The following KLHL29 variants were observed in gnomAD, a reference collection of about 807,000 sequenced individuals.
KLHL29 encodes the protein kelch-like protein 29.
KLHL29 carries 21 observed loss-of-function variants against 80.4 expected under a neutral mutation model. The observed-to-expected ratio is 0.26, with a 90% CI of 0.19 to 0.38. The LOEUF (loss-of-function observed/expected upper bound fraction) is 0.38, where lower values mean the gene tolerates loss of function less well. Ranked by LOEUF, KLHL29 falls within the 10% of genes least tolerant of loss-of-function variation. KLHL29 has a pLI of 1.00. For missense variants in KLHL29, 867 were observed against 1,223.9 expected (o/e 0.71, Z 4.35); for synonymous variants, 511 against 526.8 (o/e 0.97, Z 0.41).
intron 3 of KLHL29, among the ~76,000 whole-genome samples, chr2:23,580,929 G>T (rs1211979666): frequency 6.6e-6 from 1 of 152,044 alleles, no homozygotes; most frequent in Admixed American, 6.6e-5. Context: ...AGTGAGCCGA[G>T]ATCACGCCAC....
At chr2:23,387,905 T>G (rs1202719264) in intron 1 of KLHL29, among the ~76,000 whole-genome samples, 1 of 152,230 alleles carries the variant, frequency 6.6e-6, no homozygotes, top group Non-Finnish European at 1.5e-5. Flanking sequence ...TAATAACTTT[T>G]CTGCACAAAC....
intron 2 of KLHL29, among the ~76,000 whole-genome samples, chr2:23,542,912 ACTGT>A (rs1179860416): frequency 3.9e-5 from 6 of 152,202 alleles, no homozygotes; most frequent in African/African-American, 9.6e-5. Context: ...GTCACTCCCA[ACTGT>A]CTGAGCTTCT....
chr2:23,458,979 A>G (rs1260918039), intron 1 of KLHL29, among the ~76,000 whole-genome samples: 3 of 152,236 alleles, frequency 2.0e-5, no homozygotes, highest in Non-Finnish European at 4.4e-5. Flanking sequence ...GCAAGGATTC[A>G]GGAGAACCAA....
intron 2 of KLHL29, among the ~76,000 whole-genome samples, chr2:23,522,253 C>A (rs1031795747): frequency 2.0e-5 from 3 of 152,022 alleles, no homozygotes; most frequent in Admixed American, 2.0e-4. Flanking sequence ...CAGGTTCAAG[C>A]AATTCTCCCA....
intron 5 of KLHL29, among the ~76,000 whole-genome samples, chr2:23,679,803 G>A (rs1184900646): frequency 2.0e-5 from 3 of 152,340 alleles, no homozygotes; most frequent in African/African-American, 4.8e-5. Context: ...AGGAAGAGGG[G>A]AAGGAGGCAA....
chr2:23,673,622 TCA>T (rs370868909), intron 5 of KLHL29, among the ~76,000 whole-genome samples: 38 of 145,286 alleles, frequency 2.6e-4, no homozygotes, highest in African/African-American at 9.0e-4. Context: ...CCACCTCCTC[TCA>T]CACACACACA....
chr2:23,554,234 T>TTAGTA (rs1038683003), intron 2 of KLHL29, among the ~76,000 whole-genome samples: 1 of 152,238 alleles, frequency 6.6e-6, no homozygotes, highest in African/African-American at 2.4e-5. Flanking sequence ...TGGCTGCTGT[T>TTAGTA]TAGTATTTTG....
Position 23,693,421 on chromosome 2 carries a change from G to A in KLHL29, c.1435G>A (p.Asp479Asn), listed in dbSNP as rs1671747942. Residue 479 changes from aspartate (D) to asparagine (N), a missense_variant, in exon 8 of 14, where the codon GAC becomes AAC. Physicochemically the swap from Asp to Asn is conservative, Grantham distance 23 (BLOSUM62 1). Around this residue, in one of 2 missense-constraint regions of KLHL29, gnomAD observed 443 missense variants for 767.0 expected, o/e 0.58. Coordinates refer to ENST00000486442, the MANE Select transcript of KLHL29 (RefSeq NM_052920.2). ...QEEILSISKDDFIAYVSNDSL... is the reference protein window; with the variant it reads ...QEEILSISKDNFIAYVSNDSL... ...GGAGATCCTCAGCATCTCCAAGGAC[G>A]ACTTCATCGCCTACGTCTCCAACGA... The A allele has an allele frequency of 1.2e-5, 18 of 1,551,714 alleles. No homozygotes were observed. Among genetic ancestry groups the A allele is most frequent in the African/African-American group, 2.7e-5 (2 of 73,174 alleles).
chr2:23,617,103 TC>T (rs1365801620), intron 3 of KLHL29: 1 of 152,242 alleles, frequency 6.6e-6, no homozygotes, highest in Non-Finnish European at 1.5e-5. Flanking sequence ...TTTCCATTTT[TC>T]TGTCTTTTGT....
At chr2:23,660,962 T>C (rs962979696) in intron 5 of KLHL29, among the ~76,000 whole-genome samples, 7 of 151,440 alleles carry the variant, frequency 4.6e-5, no homozygotes, top group African/African-American at 1.7e-4. Flanking sequence ...ACCCGGGAGG[T>C]AGAGGTTGCA....
At chr2:23,421,752 A>C (rs11125023) in intron 1 of KLHL29, among the ~76,000 whole-genome samples, 1 of 141,188 alleles carries the variant, frequency 7.1e-6, no homozygotes, top group African/African-American at 2.6e-5. Context: ...GTGTGTGTTC[A>C]TGTGTGTGTG....
At chr2:23,659,781 C>G (rs1005416357) in intron 5 of KLHL29, among the ~76,000 whole-genome samples, 3 of 152,098 alleles carry the variant, frequency 2.0e-5, no homozygotes, top group African/African-American at 7.2e-5. Flanking sequence ...CCAGGCCCTC[C>G]TCCAGGCCTG....
chr2:23,639,521 A>G (rs1367456861), intron 4 of KLHL29, among the ~76,000 whole-genome samples: 1 of 152,242 alleles, frequency 6.6e-6, no homozygotes, highest in African/African-American at 2.4e-5. Context: ...TGACATTATC[A>G]GGGTGACTTT....
chr2:23,702,065 C>T (rs185534888), intron 11 of KLHL29, among the ~76,000 whole-genome samples: 166 of 151,994 alleles, frequency 1.1e-3, no homozygotes, highest in African/African-American at 3.4e-3. Context: ...TCAGATGATC[C>T]GCCCACCTCG....
At chr2:23,496,571 C>T (rs556840342) in intron 2 of KLHL29, among the ~76,000 whole-genome samples, 1 of 152,294 alleles carries the variant, frequency 6.6e-6, no homozygotes, top group East Asian at 1.9e-4. Context: ...CCCCCTCTAA[C>T]CTTCAGCGGG....
chr2:23,548,498 A>G lies in KLHL29; in HGVS notation c.-45-13654A>G, dbSNP rs566686257. 3.3e-5 allele frequency among the ~76,000 whole-genome samples: 5 copies of G among 152,330 alleles called. No individual in the cohort carries two copies. The South Asian group carries it at 1.0e-3, about 32-fold the overall frequency. Reference sequence around the variant, plus strand: ...CCACTTAGAGTTAGATCGTGACCACATGGCTTGCTTTGGCCAATGACACCA... The same window carrying G: ...CCACTTAGAGTTAGATCGTGACCACGTGGCTTGCTTTGGCCAATGACACCA... On this transcript the variant is annotated intron_variant, in intron 2 of 13. Coordinates refer to ENST00000486442, the MANE Select transcript of KLHL29 (RefSeq NM_052920.2).
At chr2:23,487,892 G>A (rs940684448) in intron 2 of KLHL29, among the ~76,000 whole-genome samples, 2 of 152,312 alleles carry the variant, frequency 1.3e-5, no homozygotes, top group African/African-American at 4.8e-5. Flanking sequence ...ACAAACCTCT[G>A]CAGCTGGGCC....
intron 3 of KLHL29, among the ~76,000 whole-genome samples, chr2:23,602,434 C>T (rs1031595567): frequency 9.2e-5 from 14 of 152,102 alleles, no homozygotes; most frequent in East Asian, 5.8e-4. Context: ...TGAGTCAACA[C>T]GTCCATCCCT....
At chr2:23,440,378 T>G (rs958604884) in intron 1 of KLHL29, among the ~76,000 whole-genome samples, 13 of 151,690 alleles carry the variant, frequency 8.6e-5, no homozygotes, top group African/African-American at 2.4e-4. Context: ...AAAAACTCTA[T>G]AAGAAAACCT....
Sources: gnomAD v4.1 joint callset for allele counts (sites outside exome capture counted in the v4.1 genomes callset) on GRCh38, gnomAD v4.1.1 for gene constraint, gnomAD v4.1.1 regional missense constraint, MANE v1.5 for transcripts, NCBI Gene and HGNC (gene_info 2026-07-23, HGNC 2026-07-21) for gene names.